Variants in XPR1 observed in about 807,000 individuals in gnomAD.
XPR1 encodes the protein solute carrier family 53 member 1.
A neutral mutation model predicts 87.5 loss-of-function variants in XPR1; 28 were observed. The ratio of observed to expected loss-of-function variants is 0.32; its 90% CI spans 0.24 to 0.44. The LOEUF (loss-of-function observed/expected upper bound fraction) is 0.44. Among genes scored for constraint, XPR1 ranks in the 20% least tolerant of loss-of-function variants. XPR1 has a pLI of 1.00. For missense variants in XPR1, 559 were observed against 862.3 expected, an observed-to-expected ratio of 0.65 and a Z score of 4.41; for synonymous variants, 300 against 306.1, an observed-to-expected ratio of 0.98 and a Z score of 0.21.
chr1:180,863,207 C>A (rs188454793), intron 11 of XPR1, among the ~76,000 whole-genome samples: 5 of 151,994 alleles, frequency 3.3e-5, no homozygotes, highest in Non-Finnish European at 7.4e-5. Flanking sequence ...GGCATTTTAT[C>A]TAGACTTAGG....
chr1:180,864,385 C>T (rs1305457044), intron 12 of XPR1, among the ~76,000 whole-genome samples: 1 of 152,082 alleles, frequency 6.6e-6, no homozygotes, highest in Non-Finnish European at 1.5e-5. Context: ...TAGCAGTTAT[C>T]ACACTGTATT....
At chr1:180,873,041 C>T (rs1304874057) in intron 12 of XPR1, among the ~76,000 whole-genome samples, 7 of 151,442 alleles carry the variant, frequency 4.6e-5, no homozygotes, top group Non-Finnish European at 8.8e-5. Context: ...AATATTATGG[C>T]TTAATACATA....
chr1:180,773,953 C>CT (rs1241624893), intron 2 of XPR1, among the ~76,000 whole-genome samples: 3 of 152,050 alleles, frequency 2.0e-5, no homozygotes, highest in Admixed American at 6.6e-5. Context: ...AATCACTAAA[C>CT]TTTTTTTAAA....
At chr1:180,801,206 A>T (rs1282724726) in intron 3 of XPR1, among the ~76,000 whole-genome samples, 3 of 152,224 alleles carry the variant, frequency 2.0e-5, no homozygotes, top group Non-Finnish European at 2.9e-5. Flanking sequence ...TACATCTCTC[A>T]TGGCCATTCC....
intron 12 of XPR1, among the ~76,000 whole-genome samples, chr1:180,864,212 C>T (rs1199058158): frequency 6.6e-6 from 1 of 152,066 alleles, no homozygotes; most frequent in South Asian, 2.1e-4. Flanking sequence ...ACATGGAATG[C>T]CCTCAGTCTG....
chr1:180,852,112 T>A (rs1651884186), intron 11 of XPR1, among the ~76,000 whole-genome samples: 1 of 151,964 alleles, frequency 6.6e-6, no homozygotes, highest in Non-Finnish European at 1.5e-5. Flanking sequence ...AGTGCAATAA[T>A]ACTATATTAT....
rs1212519514 is a variant in XPR1, at chr1:180,825,361, G to A, written c.1134+17G>A. On this transcript the variant is annotated intron_variant, in intron 9 of 14. Transcript: ENST00000367590. ...AAACTGCTGGTAAGTCCAGAAACTT[G>A]TGTACCACTTTTAGAGTGGCATATT... is the stretch of plus-strand genomic sequence containing the variant. 1 of 1,603,730 alleles carries A rather than the reference G, an allele frequency of 6.2e-7. No individual in the cohort carries two copies. The highest frequency in any genetic ancestry group is 8.5e-7 in the Non-Finnish European group (1 of 1,176,012).
At chr1:180,840,193 G>A (rs1048090224) in intron 11 of XPR1, among the ~76,000 whole-genome samples, 11 of 136,582 alleles carry the variant, frequency 8.1e-5, no homozygotes, top group South Asian at 4.7e-4. Flanking sequence ...ACTGCAGTCC[G>A]CAGTCCGGCC....
At chr1:180,708,479 T>C (rs1332990400) in intron 2 of XPR1, among the ~76,000 whole-genome samples, 2 of 152,190 alleles carry the variant, frequency 1.3e-5, no homozygotes, top group Non-Finnish European at 2.9e-5. Context: ...ATGTTATATA[T>C]ATTTTACCAC....
At chr1:180,673,043 T>C (rs1219604071) in intron 1 of XPR1, among the ~76,000 whole-genome samples, 2 of 152,202 alleles carry the variant, frequency 1.3e-5, no homozygotes, top group Non-Finnish European at 2.9e-5. Flanking sequence ...AACATAACAG[T>C]AGACATTTTG....
chr1:180,747,522 G>A (rs1370993962), intron 2 of XPR1, among the ~76,000 whole-genome samples: 3 of 152,106 alleles, frequency 2.0e-5, no homozygotes, highest in Non-Finnish European at 4.4e-5. Context: ...TATTTATTTA[G>A]TATTTACTAT....
intron 1 of XPR1, among the ~76,000 whole-genome samples, chr1:180,657,383 A>G (rs1655568961): frequency 6.6e-6 from 1 of 151,958 alleles, no homozygotes; most frequent in Admixed American, 6.6e-5. Flanking sequence ...TGTCCTGGAG[A>G]CTTTCCTCAG....
chr1:180,862,181 T>C (rs1652245901), intron 11 of XPR1, among the ~76,000 whole-genome samples: 1 of 146,574 alleles, frequency 6.8e-6, no homozygotes, highest in Non-Finnish European at 1.5e-5. Flanking sequence ...AAGGCAACTA[T>C]TTTTTTTTTA....
At chr1:180,650,681 G>A (rs1655266586) in intron 1 of XPR1, among the ~76,000 whole-genome samples, 1 of 152,168 alleles carries the variant, frequency 6.6e-6, no homozygotes, top group South Asian at 2.1e-4. Context: ...GGGGTTCTTT[G>A]AGGATATGTG....
intron 1 of XPR1, among the ~76,000 whole-genome samples, chr1:180,669,709 C>T (rs1287599609): frequency 6.6e-6 from 1 of 152,052 alleles, no homozygotes; most frequent in Non-Finnish European, 1.5e-5. Context: ...TCCAAGACCC[C>T]CAGTGGATAC....
chr1:180,705,118 A>G (rs142489817), intron 2 of XPR1, among the ~76,000 whole-genome samples: 1 of 152,210 alleles, frequency 6.6e-6, no homozygotes, highest in Non-Finnish European at 1.5e-5. Context: ...GCATTAAGTA[A>G]TACTCTTAGG....
intron 2 of XPR1, among the ~76,000 whole-genome samples, chr1:180,717,549 A>T (rs1658038546): frequency 6.6e-6 from 1 of 152,176 alleles, no homozygotes; most frequent in Non-Finnish European, 1.5e-5. Context: ...ATTGCTAAAA[A>T]TATGCAAATA....
chr1:180,876,504 C>T (rs1033876324), intron 13 of XPR1, among the ~76,000 whole-genome samples: 3 of 151,844 alleles, frequency 2.0e-5, no homozygotes, highest in African/African-American at 7.3e-5. Flanking sequence ...GGAGTAGTGG[C>T]GCATGCCTGT....
At chr1:180,823,860 A>G (rs1650727354) in intron 7 of XPR1, among the ~76,000 whole-genome samples, 2 of 152,214 alleles carry the variant, frequency 1.3e-5, no homozygotes, top group African/African-American at 4.8e-5. Flanking sequence ...TCAAAGAGCC[A>G]TTGTGATGGT....
Sources: allele counts gnomAD v4.1 joint callset (sites outside exome capture counted in the v4.1 genomes callset), GRCh38; gene constraint gnomAD v4.1.1; transcripts MANE v1.5; gene names NCBI Gene and HGNC (gene_info 2026-07-23, HGNC 2026-07-21).